Variants in PROS1 observed in about 807,000 individuals in gnomAD.
The protein encoded by PROS1 is protein S, also known as vitamin K-dependent protein S.
PROS1 carries 29 observed loss-of-function variants against 75.9 expected under a neutral mutation model. The ratio of observed to expected loss-of-function variants is 0.38; its 90% CI spans 0.28 to 0.52. PROS1 has a LOEUF of 0.52. Among genes scored for constraint, PROS1 ranks in the 20% least tolerant of loss-of-function variants. The pLI, the probability that PROS1 is intolerant of heterozygous loss-of-function variation, is 0.83. For synonymous variants in PROS1, 245 were observed against 280.6 expected, an observed-to-expected ratio of 0.87 and a Z score of 1.27; for missense variants, 680 against 810.3, an observed-to-expected ratio of 0.84 and a Z score of 1.95.
At chr3:93,959,241 A>G (rs541535596) in intron 1 of PROS1, among the ~76,000 whole-genome samples, 114 of 152,190 alleles carry the variant, frequency 7.5e-4, no homozygotes, top group African/African-American at 2.7e-3. Context: ...TTGAGCCCAG[A>G]AGGTCGAGGC....
At position 93,942,970 on chromosome 3, in the gene PROS1, C is replaced by A. The variant is rs141200722; in HGVS notation, c.77-15563G>T. Among the ~76,000 whole-genome samples the A allele has an allele frequency of 6.3e-3, 953 of 152,290 alleles. 3 individuals are homozygous for A. The highest frequency in any genetic ancestry group is 0.016 in the South Asian group (75 of 4,826). On this transcript the variant is annotated intron_variant, in intron 1 of 14. Transcript: ENST00000394236. ...ACCTCTTGGTCTGGGTAGACACTTTCACTGGATGGGTAAAGGCCTTTCCCT... is the reference window on the plus strand; with the variant it reads ...ACCTCTTGGTCTGGGTAGACACTTTAACTGGATGGGTAAAGGCCTTTCCCT...
intron 13 of PROS1, among the ~76,000 whole-genome samples, chr3:93,878,905 T>C (rs1708230992): frequency 6.6e-6 from 1 of 152,172 alleles, no homozygotes; most frequent in Admixed American, 6.5e-5. Flanking sequence ...CTGCCTAATC[T>C]TAGGTATAGA....
chr3:93,945,439 G>C (rs553936704), intron 1 of PROS1, among the ~76,000 whole-genome samples: 1 of 152,162 alleles, frequency 6.6e-6, no homozygotes. Flanking sequence ...GAATCCAGCA[G>C]CACATCAAAA....
chr3:93,886,406 T>C lies in PROS1; in HGVS notation c.1253A>G (p.Asn418Ser). The C allele has an allele frequency of 1.2e-6, 2 of 1,613,808 alleles. No individual in the cohort carries two copies. The highest frequency in any genetic ancestry group is 1.3e-5 in the African/African-American group (1 of 75,050). ...GTATACTTTGGTTTCCAGCAATCCATTTTCCGGCTTAAAAAGGGGTCCAGG... is the reference window on the plus strand; with the variant it reads ...GTATACTTTGGTTTCCAGCAATCCACTTTCCGGCTTAAAAAGGGGTCCAGG... ...NKPGPLFKPENGLLETKVYFA... is the reference protein window; with the variant it reads ...NKPGPLFKPESGLLETKVYFA... Residue 418 changes from asparagine (N) to serine (S), a missense_variant, in exon 11 of 15, where the codon AAT becomes AGT. Coordinates refer to ENST00000394236, the MANE Select transcript of PROS1 (RefSeq NM_000313.4).
At chr3:93,947,121 C>A (rs1395521351) in intron 1 of PROS1, among the ~76,000 whole-genome samples, 1 of 152,154 alleles carries the variant, frequency 6.6e-6, no homozygotes, top group Non-Finnish European at 1.5e-5. Context: ...CGATGAGATA[C>A]CATCTCACAC....
intron 3 of PROS1, among the ~76,000 whole-genome samples, chr3:93,916,779 C>A (rs923473541): frequency 6.6e-6 from 1 of 152,192 alleles, no homozygotes; most frequent in Non-Finnish European, 1.5e-5. Context: ...CAAGGCATGA[C>A]CTCTTAGGAA....
intron 1 of PROS1, among the ~76,000 whole-genome samples, chr3:93,953,557 AGGTATTGAT>A (rs1709541669): frequency 6.6e-6 from 1 of 152,214 alleles, no homozygotes; most frequent in African/African-American, 2.4e-5. Context: ...TCAATAAACT[AGGTATTGAT>A]GGGATGTATC....
intron 3 of PROS1, among the ~76,000 whole-genome samples, chr3:93,914,917 A>G (rs542977434): frequency 3.3e-5 from 5 of 152,178 alleles, no homozygotes; most frequent in East Asian, 1.9e-4. Flanking sequence ...GACTGTGAAC[A>G]TACAATGTTT....
intron 14 of PROS1, among the ~76,000 whole-genome samples, chr3:93,876,466 G>GTAGTCCCAGCTA (rs1708188663): frequency 6.6e-6 from 1 of 151,794 alleles, no homozygotes. Context: ...GCGGGCACCT[G>GTAGTCCCAGCTA]TAGTCCCAGC....
At chr3:93,896,804 T>G in intron 8 of PROS1, 113 bp from the exon 9 acceptor site, 2 of 729,068 alleles carry the variant, frequency 2.7e-6, no homozygotes, top group Non-Finnish European at 4.9e-6. Flanking sequence ...TCATCTGTAA[T>G]ACACTAAAAT....
At chr3:93,926,679 A>T (rs1435814687) in intron 2 of PROS1, among the ~76,000 whole-genome samples, 1 of 152,266 alleles carries the variant, frequency 6.6e-6, no homozygotes, top group Non-Finnish European at 1.5e-5. Context: ...TTAATGAAGC[A>T]TTGTAATAAT....
intron 1 of PROS1, among the ~76,000 whole-genome samples, chr3:93,947,296 G>A (rs1305350620): frequency 6.6e-6 from 1 of 152,146 alleles, no homozygotes; most frequent in Non-Finnish European, 1.5e-5. Context: ...AACAGATGCT[G>A]AGAATAAGCA....
chr3:93,905,689 C>T lies in PROS1; in HGVS notation c.601+95G>A, dbSNP rs1399204223. On this transcript the variant is annotated intron_variant, in intron 6 of 14. Coordinates refer to ENST00000394236, the MANE Select transcript of PROS1 (RefSeq NM_000313.4). ...AAAAATGTGTTAGTATAAGCACTTA[C>T]ATATCATTTTTCCAAAAATTTGCTA... is the stretch of plus-strand genomic sequence containing the variant. 2.3e-6 allele frequency: 3 copies of T among 1,323,876 alleles called. No individual in the cohort carries two copies. The African/African-American group carries it at 4.4e-5, about 19-fold the overall frequency. The allele number at this position is 1,323,876 out of a possible 1,614,324, so 82.0% of individuals were successfully genotyped here. A position where few individuals can be genotyped will look rare whatever the true frequency, so the allele number is the denominator to read the frequency against.
intron 3 of PROS1, among the ~76,000 whole-genome samples, chr3:93,920,406 T>C (rs1240445267): frequency 2.6e-5 from 4 of 152,208 alleles, no homozygotes; most frequent in African/African-American, 9.6e-5. Flanking sequence ...GTTCTTAAGA[T>C]ATTTCTAGAT....
chr3:93,935,727 G>A (rs1287925175), intron 1 of PROS1, among the ~76,000 whole-genome samples: 1 of 151,938 alleles, frequency 6.6e-6, no homozygotes, highest in Non-Finnish European at 1.5e-5. Context: ...TGGAATATTG[G>A]TATATCGTCA....
intron 6 of PROS1, among the ~76,000 whole-genome samples, chr3:93,904,527 T>C (rs1458154731): frequency 6.6e-6 from 1 of 152,204 alleles, no homozygotes; most frequent in Admixed American, 6.5e-5. Context: ...AGATGGATGA[T>C]TTGAACATGA....
chr3:93,913,719 AAACAGACTAATATAAGCCCCAATGTATT>A (rs1708795724), intron 3 of PROS1, among the ~76,000 whole-genome samples: 3 of 152,180 alleles, frequency 2.0e-5, no homozygotes, highest in Admixed American at 1.3e-4. Flanking sequence ...AATAGAGTGA[AAACAGACTAATATAAGCCCCAATGTATT>A]AACTCATACT....
chr3:93,899,756 G>C (rs1708558645), intron 7 of PROS1, among the ~76,000 whole-genome samples: 2 of 152,110 alleles, frequency 1.3e-5, no homozygotes, highest in African/African-American at 4.8e-5. Flanking sequence ...AACAAGATTA[G>C]AGGTTACCGC....
intron 10 of PROS1, among the ~76,000 whole-genome samples, chr3:93,890,853 C>A (rs1048168060): frequency 3.9e-5 from 6 of 152,150 alleles, no homozygotes; most frequent in Non-Finnish European, 8.8e-5. Context: ...CACCTGTAAT[C>A]CCTGCACTTT....
Sources: allele counts gnomAD v4.1 joint callset (sites outside exome capture counted in the v4.1 genomes callset), GRCh38; gene constraint gnomAD v4.1.1; transcripts MANE v1.5; gene names NCBI Gene and HGNC (gene_info 2026-07-23, HGNC 2026-07-21).